Variants in UNC5B observed in about 807,000 individuals in gnomAD.
The protein encoded by UNC5B is unc-5 netrin receptor B.
Under a neutral mutation model 103.7 loss-of-function variants are expected in UNC5B, and 56 were observed. That is an observed-to-expected ratio of 0.54 (90% CI 0.44 to 0.67). UNC5B has a LOEUF of 0.67. Among genes scored for constraint, UNC5B ranks in the 30% least tolerant of loss-of-function variants. UNC5B has a pLI of 0.00. For synonymous variants in UNC5B, 577 were observed against 542.0 expected (o/e 1.06, Z -0.90); for missense variants, 1,194 against 1,284.5 (o/e 0.93, Z 1.08).
chr10:71,245,184 T>A (rs1283851975), intron 1 of UNC5B, among the ~76,000 whole-genome samples: 2 of 152,184 alleles, frequency 1.3e-5, no homozygotes, highest in African/African-American at 4.8e-5. Flanking sequence ...GTGTGCTCTC[T>A]CCATAACACC....
intron 1 of UNC5B, among the ~76,000 whole-genome samples, chr10:71,267,837 C>T (rs369131734): frequency 1.3e-5 from 2 of 152,218 alleles, no homozygotes; most frequent in African/African-American, 2.4e-5. Flanking sequence ...AACCCAGGGC[C>T]GGGGTCTTTC....
At chr10:71,265,000 G>T (rs1046944678) in intron 1 of UNC5B, among the ~76,000 whole-genome samples, 4 of 148,532 alleles carry the variant, frequency 2.7e-5, no homozygotes, top group African/African-American at 1.0e-4. Flanking sequence ...AAGAGTATGG[G>T]CTTAAAGTCA....
chr10:71,249,644 T>C (rs1844128076), intron 1 of UNC5B, among the ~76,000 whole-genome samples: 1 of 152,026 alleles, frequency 6.6e-6, no homozygotes, highest in African/African-American at 2.4e-5. Flanking sequence ...GGTCCCTGGC[T>C]CCTCCTACCA....
At position 71,299,455 on chromosome 10, in the gene UNC5B, T is replaced by C. The variant is rs2132320343; in HGVS notation, c.*178T>C. ...GACCAGCCTTAGAAAATCCATGTACTCTGTTGTTAGAGGGCCCAGAGTTCC... is the reference window on the plus strand; with the variant it reads ...GACCAGCCTTAGAAAATCCATGTACCCTGTTGTTAGAGGGCCCAGAGTTCC... On this transcript the variant is annotated 3_prime_UTR_variant, in exon 17 of 17. Transcript: ENST00000335350. 8 of 723,432 alleles carry C rather than the reference T, an allele frequency of 1.1e-5. No individual in the cohort carries two copies. The East Asian group carries it at 2.2e-4, about 20-fold the overall frequency. The allele number at this position is 723,432 out of a possible 1,614,324, so 44.8% of individuals were successfully genotyped here. A position where few individuals can be genotyped will look rare whatever the true frequency, so the allele number is the denominator to read the frequency against.
chr10:71,215,673 C>T (rs182951523), intron 1 of UNC5B, among the ~76,000 whole-genome samples: 28 of 152,346 alleles, frequency 1.8e-4, no homozygotes, highest in Admixed American at 1.8e-3. Flanking sequence ...CCCCACCTTT[C>T]AGCCCTTCCT....
intron 2 of UNC5B, among the ~76,000 whole-genome samples, chr10:71,282,195 A>C (rs1413609106): frequency 6.6e-6 from 1 of 152,154 alleles, no homozygotes; most frequent in African/African-American, 2.4e-5. Flanking sequence ...GCCTGATTCC[A>C]CTTCAGCCTC....
At chr10:71,283,893 C>T (rs918782880) in intron 2 of UNC5B, among the ~76,000 whole-genome samples, 2 of 152,150 alleles carry the variant, frequency 1.3e-5, no homozygotes, top group Non-Finnish European at 2.9e-5. Flanking sequence ...GAGTAGTGAC[C>T]AGGGAGAGCA....
At chr10:71,238,345 C>G (rs1371680044) in intron 1 of UNC5B, among the ~76,000 whole-genome samples, 1 of 152,182 alleles carries the variant, frequency 6.6e-6, no homozygotes, top group Non-Finnish European at 1.5e-5. Context: ...CTTTTCTTCC[C>G]AAAGTTTCCA....
chr10:71,285,268 C>T (rs1382611604), intron 3 of UNC5B, 58 bp from the exon 4 acceptor site: 1 of 1,508,922 alleles, frequency 6.6e-7, no homozygotes, highest in East Asian at 2.4e-5. Flanking sequence ...CAGTGTAGCA[C>T]ATCAGGTTCT....
At chr10:71,279,526 C>T (rs1485836805) in intron 1 of UNC5B, among the ~76,000 whole-genome samples, 2 of 152,192 alleles carry the variant, frequency 1.3e-5, no homozygotes, top group Non-Finnish European at 2.9e-5. Flanking sequence ...CGCCTCCCCT[C>T]CCGGGACCTC....
chr10:71,279,720 C>A lies in UNC5B; in HGVS notation c.80-101C>A, dbSNP rs1238734706. The A allele has an allele frequency of 2.3e-6, 3 of 1,322,328 alleles. No individual in the cohort carries two copies. In the Admixed American group the frequency reaches 6.3e-5, roughly 28 times the overall value. 81.9% of individuals were successfully genotyped at this position (1,322,328 alleles called of 1,614,324 possible). A position where few individuals can be genotyped will look rare whatever the true frequency, so the allele number is the denominator to read the frequency against. On this transcript the variant is annotated intron_variant, in intron 1 of 16. Coordinates refer to ENST00000335350, the MANE Select transcript of UNC5B (RefSeq NM_170744.5). ...GGCTCTGGCTGCCCCACCTCTGCCT[C>A]CCCTGTCCTCTTCGTCTGCGGTGGG...
intron 1 of UNC5B, among the ~76,000 whole-genome samples, chr10:71,261,970 C>G (rs1227018228): frequency 7.8e-6 from 1 of 127,492 alleles, no homozygotes; most frequent in Non-Finnish European, 1.6e-5. Flanking sequence ...CTATTCTGAC[C>G]TTGGCTTTGG....
intron 1 of UNC5B, among the ~76,000 whole-genome samples, chr10:71,232,527 G>A (rs918910618): frequency 6.6e-6 from 1 of 152,260 alleles, no homozygotes; most frequent in Non-Finnish European, 1.5e-5. Context: ...GAGGGGGAGG[G>A]GCTCCCACTT....
Position 71,279,938 on chromosome 10 carries a change from A to G in UNC5B, c.197A>G (p.Glu66Gly), listed in dbSNP as rs781763109. The G allele has an allele frequency of 1.2e-6, 2 of 1,613,908 alleles. No homozygotes were observed. The highest frequency in any genetic ancestry group is 4.5e-5 in the East Asian group (2 of 44,872). Residue 66 changes from glutamate (E) to glycine (G), a missense_variant, in exon 2 of 17, where the codon GAG becomes GGG. Glu to Gly is a moderately conservative substitution (Grantham distance 98, BLOSUM62 -2). Coordinates refer to ENST00000335350, the MANE Select transcript of UNC5B (RefSeq NM_170744.5). ...TACATTGTGAAGAACAAGCCTGTGG[A>G]GCTCCGCTGCCGCGCCTTCCCCGCC... ...DAYIVKNKPV[E>G]LRCRAFPATQ...
At chr10:71,260,841 G>A (rs1162714840) in intron 1 of UNC5B, among the ~76,000 whole-genome samples, 1 of 152,250 alleles carries the variant, frequency 6.6e-6, no homozygotes, top group East Asian at 1.9e-4. Context: ...TTCAGGCTGG[G>A]AGGAAAGCCC....
chr10:71,287,495 G>T (rs2132306369), intron 5 of UNC5B, 103 bp from the exon 6 acceptor site: 1 of 1,426,036 alleles, frequency 7.0e-7, no homozygotes, highest in Non-Finnish European at 9.4e-7. Flanking sequence ...CACTAGGAAG[G>T]CCAGGCTTCA....
At chr10:71,290,692 C>T (rs1282546074) in intron 8 of UNC5B, among the ~76,000 whole-genome samples, 1 of 152,192 alleles carries the variant, frequency 6.6e-6, no homozygotes, top group Non-Finnish European at 1.5e-5. Context: ...TTTCTCATGC[C>T]ACAACTAGGA....
intron 2 of UNC5B, among the ~76,000 whole-genome samples, 164 bp from the exon 3 acceptor site, chr10:71,284,556 G>C (rs1481988628): frequency 2.0e-5 from 3 of 152,212 alleles, no homozygotes; most frequent in Non-Finnish European, 4.4e-5. Flanking sequence ...CAGGTGAGTG[G>C]CCATGAAGCT....
chr10:71,293,997 C>T (rs1413723703), intron 13 of UNC5B, 64 bp downstream of exon 13: 5 of 1,434,726 alleles, frequency 3.5e-6, no homozygotes, highest in South Asian at 2.7e-5. Context: ...CTGCCAGAAT[C>T]CCCCACCCCA....
Sources: gnomAD v4.1 joint callset for allele counts (sites outside exome capture counted in the v4.1 genomes callset) on GRCh38, gnomAD v4.1.1 for gene constraint, MANE v1.5 for transcripts, NCBI Gene and HGNC (gene_info 2026-07-23, HGNC 2026-07-21) for gene names.